The following MEGF9 variants were observed in gnomAD, a reference collection of about 807,000 sequenced individuals.
The protein encoded by MEGF9 is multiple epidermal growth factor-like domains protein 9.
In MEGF9, 6 loss-of-function variants were observed where a neutral mutation model predicts 46.8. The observed-to-expected ratio is 0.13, with a 90% CI of 0.07 to 0.25. The LOEUF (loss-of-function observed/expected upper bound fraction) is 0.25, where lower values mean the gene tolerates loss of function less well. MEGF9 is among the 10% of genes least tolerant of loss of function. The pLI is 1.00. For missense variants in MEGF9, 683 were observed against 792.4 expected, an observed-to-expected ratio of 0.86 and a Z score of 1.66; for synonymous variants, 302 against 330.7, an observed-to-expected ratio of 0.91 and a Z score of 0.94.
In MEGF9 at chr9:120,676,752, A is replaced by G. The variant is rs1200431652; in HGVS notation, c.602-17177T>C. Among the ~76,000 whole-genome samples, 4 of 152,190 alleles carry G rather than the reference A, an allele frequency of 2.6e-5. No homozygotes were observed. The East Asian group carries it at 7.7e-4, about 29-fold the overall frequency. On this transcript the variant is annotated intron_variant, in intron 1 of 5. Transcript: ENST00000373930. ...TCTTAATCCCTAGGTAAACCTTATTACTATTATAATAAAAATAATTGTCAT... is the reference window on the plus strand; with the variant it reads ...TCTTAATCCCTAGGTAAACCTTATTGCTATTATAATAAAAATAATTGTCAT...
At chr9:120,626,558 A>G (rs1564415052) in intron 2 of MEGF9, among the ~76,000 whole-genome samples, 1 of 152,324 alleles carries the variant, frequency 6.6e-6, no homozygotes, top group South Asian at 2.1e-4. Flanking sequence ...GATATGGTAC[A>G]TATCTATGTC....
chr9:120,614,169 G>A (rs552520675), intron 3 of MEGF9, among the ~76,000 whole-genome samples: 88 of 152,184 alleles, frequency 5.8e-4, no homozygotes, highest in African/African-American at 1.9e-3. Flanking sequence ...GATTACAGGC[G>A]CATGTCACCA....
At chr9:120,692,171 C>G (rs916352077) in intron 1 of MEGF9, among the ~76,000 whole-genome samples, 3 of 152,168 alleles carry the variant, frequency 2.0e-5, no homozygotes, top group African/African-American at 7.2e-5. Flanking sequence ...ATTCACCATT[C>G]TCTCTTCAGT....
At position 120,714,089 on chromosome 9, in the gene MEGF9, G is replaced by T. The variant is rs1349106005; in HGVS notation, c.270C>A (p.Pro90=). 6.8e-5 allele frequency: 85 copies of T among 1,258,066 alleles called. No homozygotes were observed. Among genetic ancestry groups the T allele is most frequent in the Non-Finnish European group, 8.3e-5 (83 of 1,001,212 alleles). The allele number at this position is 1,258,066 out of a possible 1,614,324, so 77.9% of individuals were successfully genotyped here. A position where few individuals can be genotyped will look rare whatever the true frequency, so the allele number is the denominator to read the frequency against. ...ACTGGGCTGGAGAAGTCGCAGCCAG[G>T]GGTCGGTGGACGGTGGCGCGCGGGG... is the stretch of plus-strand genomic sequence containing the variant. ...TGPPRATVHR[P]LAATSPAQSP... Residue 90 remains proline (P), a synonymous_variant, in exon 1 of 6, where the codon CCC becomes CCA. Transcript: ENST00000373930.
intron 1 of MEGF9, among the ~76,000 whole-genome samples, chr9:120,662,969 T>TA (rs2043709364): frequency 6.6e-6 from 1 of 152,182 alleles, no homozygotes; most frequent in South Asian, 2.1e-4. Context: ...AATACATTGG[T>TA]AAAAACAGAA....
At chr9:120,667,050 A>C (rs548939136) in intron 1 of MEGF9, among the ~76,000 whole-genome samples, 121 of 152,298 alleles carry the variant, frequency 7.9e-4, no homozygotes, top group South Asian at 6.6e-3. Context: ...CAAATGAGTA[A>C]ATTTCATTGG....
At chr9:120,677,768 C>T (rs995579530) in intron 1 of MEGF9, among the ~76,000 whole-genome samples, 3 of 152,158 alleles carry the variant, frequency 2.0e-5, no homozygotes, top group Admixed American at 2.0e-4. Context: ...CTAGGCAAAA[C>T]ACTTATCTTT....
In MEGF9 at chr9:120,673,969, C is replaced by CAAA. The variant is rs35650740; in HGVS notation, c.602-14397_602-14395dup. 2.2e-3 allele frequency among the ~76,000 whole-genome samples: 222 copies of CAAA among 101,802 alleles called. 1 individual carries two copies. The highest frequency in any genetic ancestry group is 3.6e-3 in the Non-Finnish European group (191 of 52,722). The allele number at this position is 101,802 out of a possible 152,430, so 66.8% of individuals were successfully genotyped here. A position where few individuals can be genotyped will look rare whatever the true frequency, so the allele number is the denominator to read the frequency against. On this transcript the variant is annotated intron_variant, in intron 1 of 5. Coordinates refer to ENST00000373930, the MANE Select transcript of MEGF9 (RefSeq NM_001080497.3). ...TGGGCAACAGAGTGAGACTCCGTCT[C>CAAA]AAAAAAAAAAAAAAAAAAAATTAAC...
chr9:120,634,905 A>C (rs1377013245), intron 2 of MEGF9, among the ~76,000 whole-genome samples: 1 of 152,078 alleles, frequency 6.6e-6, no homozygotes, highest in Non-Finnish European at 1.5e-5. Context: ...CTTTTCTAAC[A>C]GTGAATGTTA....
At chr9:120,647,724 T>C (rs2043632026) in intron 2 of MEGF9, among the ~76,000 whole-genome samples, 1 of 152,200 alleles carries the variant, frequency 6.6e-6, no homozygotes, top group South Asian at 2.1e-4. Context: ...ACAACGAATA[T>C]ACAAATGCTT....
chr9:120,640,855 G>A (rs952946045), intron 2 of MEGF9, among the ~76,000 whole-genome samples: 19 of 78,068 alleles, frequency 2.4e-4, no homozygotes, highest in African/African-American at 8.0e-4. Flanking sequence ...TTTACCCCCC[G>A]CCCACCCTCC....
intron 2 of MEGF9, among the ~76,000 whole-genome samples, chr9:120,624,518 A>T (rs2043515333): frequency 6.6e-6 from 1 of 152,112 alleles, no homozygotes; most frequent in Non-Finnish European, 1.5e-5. Flanking sequence ...ATGAGACACC[A>T]TGCATGGCCA....
chr9:120,714,419 T>A lies in MEGF9; in HGVS notation c.-61A>T, dbSNP rs1010210915. 24 of 1,217,844 alleles carry A rather than the reference T, an allele frequency of 2.0e-5. No individual in the cohort carries two copies. Among genetic ancestry groups the A allele is most frequent in the Middle Eastern group, 4.2e-4 (2 of 4,746 alleles). 75.4% of individuals were successfully genotyped at this position (1,217,844 alleles called of 1,614,324 possible). A position where few individuals can be genotyped will look rare whatever the true frequency, so the allele number is the denominator to read the frequency against. On this transcript the variant is annotated 5_prime_UTR_variant, in exon 1 of 6. Transcript: ENST00000373930. ...TCGTTGCAATCCGACCAAGGAAGCC[T>A]CCGCAACCGCCGCCGCCACCGCCAC... is the stretch of plus-strand genomic sequence containing the variant.
intron 2 of MEGF9, 39 bp downstream of exon 2, chr9:120,659,335 A>C: frequency 6.4e-7 from 1 of 1,573,296 alleles, no homozygotes; most frequent in Non-Finnish European, 8.7e-7. Flanking sequence ...TCCCCTTGCT[A>C]AAATAAAATA....
intron 1 of MEGF9, among the ~76,000 whole-genome samples, chr9:120,693,573 T>A (rs758066008): frequency 5.3e-5 from 8 of 152,198 alleles, no homozygotes; most frequent in Non-Finnish European, 1.0e-4. Context: ...GAAAAATAAT[T>A]CTCTAAAACA....
chr9:120,635,222 TTTCTC>T (rs1444715278), intron 2 of MEGF9, among the ~76,000 whole-genome samples: 1 of 152,200 alleles, frequency 6.6e-6, no homozygotes, highest in African/African-American at 2.4e-5. Flanking sequence ...ACTTGACACT[TTTCTC>T]TTGTTGTGTT....
chr9:120,714,367 C>G lies in MEGF9; in HGVS notation c.-9G>C, dbSNP rs1233353089. On this transcript the variant is annotated 5_prime_UTR_variant, in exon 1 of 6. Coordinates refer to ENST00000373930, the MANE Select transcript of MEGF9 (RefSeq NM_001080497.3). ...TCGGCTCCGCCATTCATTCATTCAGCCAGTCGGTTGGTCAGTCATCTTCTC... is the reference window on the plus strand; with the variant it reads ...TCGGCTCCGCCATTCATTCATTCAGGCAGTCGGTTGGTCAGTCATCTTCTC... The G allele has an allele frequency of 7.6e-7, 1 of 1,316,092 alleles. No homozygotes were observed. The highest frequency in any genetic ancestry group is 9.7e-7 in the Non-Finnish European group (1 of 1,034,296). The allele number at this position is 1,316,092 out of a possible 1,614,324, so 81.5% of individuals were successfully genotyped here. A position where few individuals can be genotyped will look rare whatever the true frequency, so the allele number is the denominator to read the frequency against.
intron 2 of MEGF9, among the ~76,000 whole-genome samples, chr9:120,640,530 A>G (rs1308541844): frequency 6.6e-6 from 1 of 152,020 alleles, no homozygotes. Context: ...CCCAGTGCCT[A>G]GCACAGTGCC....
rs1308398070 is a variant in MEGF9 at position 120,608,024 on chromosome 9, T to C, written c.1088-14A>G. ...ATTCACTCGATTCTAAAAGAGAGAA[T>C]GCCAAAATAGTTTAGTACAGTCTGA... On this transcript the variant is annotated splice_polypyrimidine_tract_variant and intron_variant, in intron 4 of 5. Coordinates refer to ENST00000373930, the MANE Select transcript of MEGF9 (RefSeq NM_001080497.3). 2 of 1,612,906 alleles carry C rather than the reference T, an allele frequency of 1.2e-6. No individual in the cohort carries two copies. The highest frequency in any genetic ancestry group is 3.3e-5 in the Admixed American group (2 of 59,990).
Sources: gnomAD v4.1 joint callset for allele counts (sites outside exome capture counted in the v4.1 genomes callset) on GRCh38, gnomAD v4.1.1 for gene constraint, MANE v1.5 for transcripts, NCBI Gene and HGNC (gene_info 2026-07-23, HGNC 2026-07-21) for gene names.